Variants in TNIP1 observed in about 807,000 individuals in gnomAD.
TNIP1 encodes the protein TNFAIP3-interacting protein 1.
TNIP1 carries 22 observed loss-of-function variants against 86.6 expected under a neutral mutation model. The ratio of observed to expected loss-of-function variants is 0.25; its 90% CI spans 0.18 to 0.36. TNIP1 has a LOEUF of 0.36. TNIP1 is among the 10% of genes least tolerant of loss of function. The pLI, the probability that TNIP1 is intolerant of heterozygous loss-of-function variation, is 1.00. For missense variants in TNIP1, 709 were observed against 820.6 expected, an observed-to-expected ratio of 0.86 and a Z score of 1.66; for synonymous variants, 294 against 313.0, an observed-to-expected ratio of 0.94 and a Z score of 0.64.
intron 1 of TNIP1, among the ~76,000 whole-genome samples, chr5:151,078,646 G>A (rs570213948): frequency 1.3e-5 from 2 of 152,298 alleles, no homozygotes; most frequent in African/African-American, 2.4e-5. Context: ...GCCCCTCTGA[G>A]GAGCTGACAT....
intron 11 of TNIP1, among the ~76,000 whole-genome samples, chr5:151,040,477 G>A (rs72790110): frequency 0.094 from 14,266 of 152,162 alleles, 774 homozygotes; most frequent in Middle Eastern, 0.21. Context: ...GATGGGCATG[G>A]GCTTTACCGA....
chr5:151,032,356 C>CACAG lies in TNIP1; in HGVS notation c.1803_1806dup (p.Gly603LeufsTer30). ...CTCTGATTTGGATTTCGAACCCCTC[C>CACAG]ACAGGGTAGACGCCAGGTGTATTCC... On this transcript the variant is annotated frameshift_variant, in exon 17 of 18. Coordinates refer to ENST00000521591, the MANE Select transcript of TNIP1 (RefSeq NM_006058.5). LOFTEE classifies it high-confidence loss of function. 1 of 1,614,130 alleles carries CACAG rather than the reference C, an allele frequency of 6.2e-7. No individual in the cohort carries two copies. Among genetic ancestry groups the CACAG allele is most frequent in the Non-Finnish European group, 8.5e-7 (1 of 1,180,012 alleles).
At chr5:151,080,693 G>A (rs1317834368) in intron 1 of TNIP1, among the ~76,000 whole-genome samples, 187 bp downstream of exon 1, 5 of 152,198 alleles carry the variant, frequency 3.3e-5, no homozygotes, top group African/African-American at 4.8e-5. Flanking sequence ...CAGGCCCAGC[G>A]CCAAGCAGGG....
intron 11 of TNIP1, among the ~76,000 whole-genome samples, chr5:151,040,949 C>T (rs796898403): frequency 1.6e-4 from 24 of 152,332 alleles, no homozygotes; most frequent in African/African-American, 5.8e-4. Flanking sequence ...CTTGGCTGGT[C>T]TCATTCATAC....
intron 8 of TNIP1, among the ~76,000 whole-genome samples, chr5:151,049,066 G>A (rs1268493975): frequency 1.3e-5 from 2 of 152,192 alleles, no homozygotes; most frequent in Non-Finnish European, 2.9e-5. Context: ...TTGTCACACA[G>A]TAATAAGGAA....
chr5:151,045,392 G>A (rs930023860), intron 9 of TNIP1, among the ~76,000 whole-genome samples: 2 of 152,152 alleles, frequency 1.3e-5, no homozygotes, highest in Non-Finnish European at 2.9e-5. Flanking sequence ...ACCCAGCCAA[G>A]GTAGCTTTTA....
intron 1 of TNIP1, among the ~76,000 whole-genome samples, chr5:151,077,514 C>T (rs750062989): frequency 6.6e-6 from 1 of 152,192 alleles, no homozygotes; most frequent in Non-Finnish European, 1.5e-5. Context: ...CATTAATTCC[C>T]ACCATTCTAG....
At chr5:151,059,822 AGAGAGAGTGTGT>A (rs1321452971) in intron 5 of TNIP1, among the ~76,000 whole-genome samples, 5 of 86,494 alleles carry the variant, frequency 5.8e-5, no homozygotes, top group East Asian at 5.8e-4. Context: ...AGAGAGAGAG[AGAGAGAGTGTGT>A]GTGTGTGTGT....
chr5:151,070,708 A>T (rs1762732935), intron 1 of TNIP1, among the ~76,000 whole-genome samples: 1 of 152,184 alleles, frequency 6.6e-6, no homozygotes, highest in African/African-American at 2.4e-5. Flanking sequence ...ATAAACAAAA[A>T]ACTGTCCACA....
Position 151,060,407 on chromosome 5 carries a change from G to A in TNIP1, c.358-12C>T. ...TCAGAGGAGGTGCCCTGTGCAGAAA[G>A]GAAGTTAGGTGCTGCCCGAGAGAAA... On this transcript the variant is annotated splice_polypyrimidine_tract_variant and intron_variant, in intron 4 of 17. Coordinates refer to ENST00000521591, the MANE Select transcript of TNIP1 (RefSeq NM_006058.5). 1 of 1,614,098 alleles carries A rather than the reference G, an allele frequency of 6.2e-7. No homozygotes were observed. Among genetic ancestry groups the A allele is most frequent in the Non-Finnish European group, 8.5e-7 (1 of 1,179,950 alleles).
rs1208656834 is a variant in TNIP1 at position 151,060,302 on chromosome 5, C to T, written c.435+16G>A. 2 of 1,613,726 alleles carry T rather than the reference C, an allele frequency of 1.2e-6. No homozygotes were observed. Among genetic ancestry groups the T allele is most frequent in the African/African-American group, 1.3e-5 (1 of 74,918 alleles). ...AGGGCAGCAGGTCAAGCCCGGGGTC[C>T]TGCCCGTCCACTCACCATCGCATTG... On this transcript the variant is annotated intron_variant, in intron 5 of 17. Transcript: ENST00000521591.
At chr5:151,045,421 G>A (rs891265672) in intron 9 of TNIP1, among the ~76,000 whole-genome samples, 1 of 152,150 alleles carries the variant, frequency 6.6e-6, no homozygotes, top group African/African-American at 2.4e-5. Context: ...AATTTTGACA[G>A]TAAATTTATG....
chr5:151,081,583 A>G (rs1764032237), upstream of TNIP1, among the ~76,000 whole-genome samples: 1 of 152,268 alleles, frequency 6.6e-6, no homozygotes, highest in East Asian at 1.9e-4. Context: ...GACATTGTAA[A>G]GGATTCCCAG....
chr5:151,031,367 C>T (rs1371359282), intron 17 of TNIP1, among the ~76,000 whole-genome samples: 2 of 152,162 alleles, frequency 1.3e-5, no homozygotes, highest in African/African-American at 4.8e-5. Flanking sequence ...CCCTGTCATT[C>T]CCACCCACTA....
At chr5:151,039,024 T>A in intron 12 of TNIP1, 73 bp downstream of exon 12, 2 of 1,547,246 alleles carry the variant, frequency 1.3e-6, no homozygotes, top group East Asian at 2.3e-5. Flanking sequence ...TGGTTGGGGG[T>A]GCCAGTGATG....
chr5:151,069,980 C>CA (rs1762655106), intron 1 of TNIP1, among the ~76,000 whole-genome samples: 1 of 152,170 alleles, frequency 6.6e-6, no homozygotes, highest in African/African-American at 2.4e-5. Context: ...AAGGTCCACA[C>CA]AGGGAAAGTG....
At position 151,059,359 on chromosome 5, in the gene TNIP1, C is replaced by T. The variant is rs534347055; in HGVS notation, c.435+959G>A. ...GAGCCTTTCCAATACTCAGAGCTGCCTGAGGCAGTGGTGAGCCTCTCAACA... is the reference window on the plus strand; with the variant it reads ...GAGCCTTTCCAATACTCAGAGCTGCTTGAGGCAGTGGTGAGCCTCTCAACA... On this transcript the variant is annotated intron_variant, in intron 5 of 17. Coordinates refer to ENST00000521591, the MANE Select transcript of TNIP1 (RefSeq NM_006058.5). Among the ~76,000 whole-genome samples the T allele has an allele frequency of 2.4e-3, 359 of 152,336 alleles. 3 individuals carry two copies. Among genetic ancestry groups the T allele is most frequent in the Non-Finnish European group, 3.2e-3 (219 of 68,034 alleles).
chr5:151,061,580 C>T (rs928704062), intron 4 of TNIP1, among the ~76,000 whole-genome samples: 1 of 151,820 alleles, frequency 6.6e-6, no homozygotes, highest in Non-Finnish European at 1.5e-5. Flanking sequence ...TGGGCTCAAG[C>T]GACCCTTCTG....
At chr5:151,086,669 G>A (rs900025356) in intron 1 of TNIP1, among the ~76,000 whole-genome samples, 7 of 152,184 alleles carry the variant, frequency 4.6e-5, no homozygotes, top group Middle Eastern at 3.4e-3. Context: ...ACACAACACA[G>A]GCACACATTC....
Sources: gnomAD v4.1 joint callset for allele counts (sites outside exome capture counted in the v4.1 genomes callset) on GRCh38, gnomAD v4.1.1 for gene constraint, MANE v1.5 for transcripts, NCBI Gene and HGNC (gene_info 2026-07-23, HGNC 2026-07-21) for gene names.